The following SGK2 variants were observed in gnomAD, a reference collection of about 807,000 sequenced individuals.
SGK2 encodes serum/glucocorticoid regulated kinase 2.
SGK2 carries 36 observed loss-of-function variants against 47.5 expected under a neutral mutation model. The ratio of observed to expected loss-of-function variants is 0.76; its 90% CI spans 0.58 to 1.00. The LOEUF is 1.00. Among genes scored for constraint, SGK2 ranks in the 50% least tolerant of loss-of-function variants. SGK2 has a pLI of 0.00. For synonymous variants in SGK2, 157 were observed against 181.9 expected (o/e 0.86, Z 1.10); for missense variants, 404 against 467.4 (o/e 0.86, Z 1.25).
intron 12 of SGK2, among the ~76,000 whole-genome samples, chr20:43,580,727 CAAA>C (rs764803627): frequency 1.6e-4 from 11 of 68,734 alleles, no homozygotes; most frequent in Admixed American, 5.7e-4. Context: ...GACTTCATCT[CAAA>C]AAAAAAAAAA....
intron 6 of SGK2, among the ~76,000 whole-genome samples, chr20:43,570,412 A>G (rs1980022307): frequency 6.6e-6 from 1 of 152,216 alleles, no homozygotes; most frequent in African/African-American, 2.4e-5. Flanking sequence ...TGCTTAAGCA[A>G]TGCTAACTCA....
At chr20:43,583,323 C>T (rs1421692623) in intron 12 of SGK2, 4 of 1,284,258 alleles carry the variant, frequency 3.1e-6, no homozygotes, top group Non-Finnish European at 4.1e-6. Context: ...TAGAATGAGA[C>T]ACTCCGGAGC....
chr20:43,561,619 C>A (rs1979385025), intron 1 of SGK2, among the ~76,000 whole-genome samples: 1 of 152,020 alleles, frequency 6.6e-6, no homozygotes, highest in African/African-American at 2.4e-5. Flanking sequence ...CGATCTCTGA[C>A]CTCATGATCC....
intron 1 of SGK2, chr20:43,566,091 T>G: frequency 2.3e-6 from 1 of 438,138 alleles, no homozygotes; most frequent in Non-Finnish European, 4.0e-6. Context: ...ATCTGTGAAA[T>G]GGGGGATGGG....
At chr20:43,577,091 G>A (rs1233204734) in intron 11 of SGK2, among the ~76,000 whole-genome samples, 3 of 152,260 alleles carry the variant, frequency 2.0e-5, no homozygotes, top group South Asian at 2.1e-4. Flanking sequence ...AATTAATAGC[G>A]GCATGATCAG....
rs1980170684 is a variant in SGK2, at chr20:43,572,034, C to G, written c.511-17C>G. 1 of 1,541,414 alleles carries G rather than the reference C, an allele frequency of 6.5e-7. No individual in the cohort carries two copies. The highest frequency in any genetic ancestry group is 8.8e-7 in the Non-Finnish European group (1 of 1,139,824). The stretch of plus-strand genomic sequence containing the variant: ...GGCTCATACCACCCTCCAGCCCATG[C>G]CCTCCGTCATTCTCAGGGACACGTG... On this transcript the variant is annotated splice_polypyrimidine_tract_variant and intron_variant, in intron 8 of 12. Transcript: ENST00000373100. The surrounding 1 kb of genome is among the most constrained non-coding windows in gnomAD (Gnocchi z 4.2).
At chr20:43,580,551 A>C (rs1295957687) in intron 12 of SGK2, among the ~76,000 whole-genome samples, 1 of 151,904 alleles carries the variant, frequency 6.6e-6, no homozygotes, top group Non-Finnish European at 1.5e-5. Context: ...AACATAGTGA[A>C]ACCCCATCTT....
rs770288580 is a variant in SGK2, at chr20:43,566,417, C to G, written c.-23-56C>G. ...AGTGGTGCCTGAAGCCCTGGATGGG[C>G]GGAGCTGACCCCCCAACACCAACTC... On this transcript the variant is annotated intron_variant, in intron 1 of 12. Transcript: ENST00000373100. 3.7e-6 allele frequency: 6 copies of G among 1,613,918 alleles called. No individual in the cohort carries two copies. In the South Asian group the frequency reaches 6.6e-5, roughly 18 times the overall value.
intron 8 of SGK2, 122 bp from the exon 9 acceptor site, chr20:43,571,929 G>A: frequency 3.0e-6 from 2 of 666,216 alleles, no homozygotes; most frequent in South Asian, 3.6e-5. Flanking sequence ...CCTCCAGCCT[G>A]TGCCTGGGCA....
chr20:43,567,582 T>C, intron 3 of SGK2, 83 bp from the exon 4 acceptor site: 1 of 1,314,330 alleles, frequency 7.6e-7, no homozygotes, highest in Non-Finnish European at 1.1e-6. Context: ...ATTCTAAAGT[T>C]AAAAAGAAGC....
At position 43,580,030 on chromosome 20, in the gene SGK2, A is replaced by G. The variant is rs772473297; in HGVS notation, c.908A>G (p.Lys303Arg). Residue 303 changes from lysine (K) to arginine (R), a missense_variant, in exon 12 of 13, where the codon AAG becomes AGG. Coordinates refer to ENST00000373100, the MANE Select transcript of SGK2 (RefSeq NM_170693.3). ...SPINWDDLYH[K>R]RLTPPFNPNV... ...ATAAACTGGGATGACCTGTACCACA[A>G]GAGGCTAACTCCACCCTTCAACCCA... 3.1e-6 allele frequency: 5 copies of G among 1,609,240 alleles called. No homozygotes were observed. The highest frequency in any genetic ancestry group is 4.2e-6 in the Non-Finnish European group (5 of 1,177,630).
Position 43,585,057 on chromosome 20 carries a change from A to C in SGK2, c.*41A>C, listed in dbSNP as rs1477645373. 2 of 1,578,722 alleles carry C rather than the reference A, an allele frequency of 1.3e-6. No individual in the cohort carries two copies. The highest frequency in any genetic ancestry group is 1.8e-5 in the Admixed American group (1 of 56,720). ...GAAACTACTGAGGCCAGCTGGTATTAGTAAGGAATTACCTTCAGCTGCTAG... is the reference window on the plus strand; with the variant it reads ...GAAACTACTGAGGCCAGCTGGTATTCGTAAGGAATTACCTTCAGCTGCTAG... On this transcript the variant is annotated 3_prime_UTR_variant, in exon 13 of 13. Transcript: ENST00000373100.
At chr20:43,582,833 G>A (rs1980883216) in intron 12 of SGK2, among the ~76,000 whole-genome samples, 1 of 151,800 alleles carries the variant, frequency 6.6e-6, no homozygotes, top group Non-Finnish European at 1.5e-5. Context: ...GACTACAGGC[G>A]CTCAGCACCA....
intron 1 of SGK2, among the ~76,000 whole-genome samples, chr20:43,561,491 G>A (rs1401046326): frequency 2.0e-5 from 3 of 149,738 alleles, no homozygotes; most frequent in African/African-American, 7.4e-5. Flanking sequence ...CTGGGTTCAA[G>A]CTATTCTCCT....
At chr20:43,584,078 A>G (rs2145563361) in intron 12 of SGK2, among the ~76,000 whole-genome samples, 1 of 152,166 alleles carries the variant, frequency 6.6e-6, no homozygotes, top group East Asian at 1.9e-4. Flanking sequence ...GACAGTTGGC[A>G]GTTGTTGATC....
chr20:43,578,642 T>G (rs1382726994), intron 11 of SGK2, among the ~76,000 whole-genome samples: 2 of 152,170 alleles, frequency 1.3e-5, no homozygotes, highest in African/African-American at 4.8e-5. Flanking sequence ...CACAGCTGTT[T>G]TGAAGATCAA....
rs1229806070 is a variant in SGK2 at position 43,572,287 on chromosome 20, A to G, written c.597+150A>G. On this transcript the variant is annotated intron_variant, in intron 9 of 12. Coordinates refer to ENST00000373100, the MANE Select transcript of SGK2 (RefSeq NM_170693.3). This position sits in a 1 kb window ranked among gnomAD's most constrained non-coding sequence, Gnocchi z 4.2. ...CTATACACTGAACTGTGGTTTCCTC[A>G]TCTATGTAATGGGGGTACCAGCTCT... 1 of 625,336 alleles carries G rather than the reference A, an allele frequency of 1.6e-6. No individual in the cohort carries two copies. The allele number at this position is 625,336 out of a possible 1,614,324, so 38.7% of individuals were successfully genotyped here. A position where few individuals can be genotyped will look rare whatever the true frequency, so the allele number is the denominator to read the frequency against.
intron 12 of SGK2, among the ~76,000 whole-genome samples, chr20:43,582,042 G>A (rs576818961): frequency 1.2e-4 from 18 of 152,144 alleles, no homozygotes; most frequent in Non-Finnish European, 2.5e-4. Flanking sequence ...AAGATGGTTA[G>A]TTTTTTAAAT....
rs1489720061 is a variant in SGK2 at position 43,574,912 on chromosome 20, T to G, written c.601T>G (p.Leu201Val). 1.2e-6 allele frequency: 2 copies of G among 1,612,542 alleles called. No individual in the cohort carries two copies. The highest frequency in any genetic ancestry group is 2.7e-5 in the African/African-American group (2 of 74,906). ...TAAGTGTGTTTCCTTCTAACAGTAC[T>G]TGGCACCTGAAGTGCTTCGGAAAGA... The part of the protein sequence containing the change: ...TSTFCGTPEY[L>V]APEVLRKEPY... The change falls in exon 10 of 13, where the codon TTG becomes GTG. Residue 201 changes from leucine to valine, a missense_variant. By Grantham distance (32) the Leu-to-Val change is conservative. Coordinates refer to ENST00000373100, the MANE Select transcript of SGK2 (RefSeq NM_170693.3).
Sources: gnomAD v4.1 joint callset for allele counts (sites outside exome capture counted in the v4.1 genomes callset) on GRCh38, gnomAD v4.1.1 for gene constraint, Gnocchi (gnomAD v3.1) non-coding constraint, MANE v1.5 for transcripts, NCBI Gene and HGNC (gene_info 2026-07-23, HGNC 2026-07-21) for gene names.